The following RMST variants were observed in gnomAD, a reference collection of about 807,000 sequenced individuals.
RMST encodes long intergenic non-protein coding RNA 54.
intron 5 of RMST, among the ~76,000 whole-genome samples, chr12:97,488,370 C>T (rs1231272125): frequency 2.6e-5 from 4 of 152,262 alleles, no homozygotes; most frequent in South Asian, 4.1e-4. Flanking sequence ...ACACATTGAT[C>T]GTGCCTTGTT....
chr12:97,518,636 T>C (rs1880183899), intron 10 of RMST, among the ~76,000 whole-genome samples: 1 of 152,202 alleles, frequency 6.6e-6, no homozygotes, highest in Non-Finnish European at 1.5e-5. Flanking sequence ...TGAGACAGAC[T>C]GAATCACACA....
chr12:97,465,354 C>T (rs1459171590), intron 4 of RMST, among the ~76,000 whole-genome samples: 2 of 152,180 alleles, frequency 1.3e-5, no homozygotes, highest in East Asian at 3.9e-4. Flanking sequence ...TTGTGTGCTA[C>T]TTAATGGTCT....
intron 10 of RMST, among the ~76,000 whole-genome samples, chr12:97,512,882 C>G (rs569303721): frequency 3.1e-4 from 47 of 152,018 alleles, no homozygotes; most frequent in African/African-American, 1.1e-3. Context: ...CCCACGGAGG[C>G]GAGGGGGAGG....
intron 11 of RMST, among the ~76,000 whole-genome samples, chr12:97,531,424 G>A (rs1316058305): frequency 1.3e-5 from 2 of 151,968 alleles, no homozygotes; most frequent in African/African-American, 2.4e-5. Context: ...ATTTTCCAGG[G>A]CCAGTCTGGT....
intron 5 of RMST, among the ~76,000 whole-genome samples, chr12:97,477,192 A>G (rs142871551): frequency 1.8e-3 from 268 of 152,336 alleles, no homozygotes; most frequent in Non-Finnish European, 3.2e-3. Flanking sequence ...AGGTGCCCAC[A>G]TGCGCTTTGA....
intron 5 of RMST, among the ~76,000 whole-genome samples, chr12:97,486,862 A>G (rs1292836992): frequency 6.6e-6 from 1 of 152,210 alleles, no homozygotes; most frequent in Admixed American, 6.5e-5. Flanking sequence ...ATTTTGCACA[A>G]TCAAGCAAAA....
intron 4 of RMST, among the ~76,000 whole-genome samples, chr12:97,463,802 A>G (rs1872858756): frequency 6.6e-6 from 1 of 152,156 alleles, no homozygotes; most frequent in Non-Finnish European, 1.5e-5. Context: ...TCTTATTTGG[A>G]ACATACTCCA....
intron 13 of RMST, among the ~76,000 whole-genome samples, chr12:97,562,640 G>A (rs1468151826): frequency 1.3e-5 from 2 of 152,184 alleles, no homozygotes; most frequent in African/African-American, 4.8e-5. Flanking sequence ...GACCCAATTA[G>A]CATGTCTTTC....
intron 11 of RMST, among the ~76,000 whole-genome samples, chr12:97,548,821 A>G (rs1005846177): frequency 6.6e-6 from 1 of 152,102 alleles, no homozygotes; most frequent in African/African-American, 2.4e-5. Flanking sequence ...CTTCCTTCCA[A>G]TTTGGATGCA....
chr12:97,538,443 G>T (rs561047053), intron 11 of RMST, among the ~76,000 whole-genome samples: 1 of 151,220 alleles, frequency 6.6e-6, no homozygotes, highest in Non-Finnish European at 1.5e-5. Flanking sequence ...CTCATTAATG[G>T]CAGTGTAAGT....
intron 11 of RMST, among the ~76,000 whole-genome samples, chr12:97,543,090 G>A (rs1395325550): frequency 6.6e-6 from 1 of 151,958 alleles, no homozygotes; most frequent in African/African-American, 2.4e-5. Flanking sequence ...CCAGCCATTC[G>A]GGAAATTACA....
chr12:97,540,812 AC>A (rs1173127660), intron 11 of RMST, among the ~76,000 whole-genome samples: 1 of 151,648 alleles, frequency 6.6e-6, no homozygotes, highest in Non-Finnish European at 1.5e-5. Flanking sequence ...TGTGTTAGAA[AC>A]CAACAGAGGC....
intron 11 of RMST, among the ~76,000 whole-genome samples, chr12:97,531,051 A>AAT (rs760642950): frequency 0.062 from 9,356 of 150,856 alleles, 415 homozygotes; most frequent in East Asian, 0.18. Flanking sequence ...TAATATAACT[A>AAT]AACAGCTTTT....
intron 11 of RMST, among the ~76,000 whole-genome samples, chr12:97,554,534 A>T (rs983265284): frequency 1.8e-4 from 27 of 149,012 alleles, no homozygotes; most frequent in African/African-American, 4.9e-4. Flanking sequence ...CTTTTAATTT[A>T]AAAAAAAAAG....
At chr12:97,480,686 A>G (rs1875173465) in intron 5 of RMST, among the ~76,000 whole-genome samples, 1 of 152,186 alleles carries the variant, frequency 6.6e-6, no homozygotes, top group Admixed American at 6.5e-5. Flanking sequence ...TCTTATCTCT[A>G]ACAATTTCCT....
chr12:97,476,794 A>G (rs990636476), intron 5 of RMST, among the ~76,000 whole-genome samples: 1 of 152,182 alleles, frequency 6.6e-6, no homozygotes, highest in African/African-American at 2.4e-5. Context: ...TTGAAGATCT[A>G]AAAAAAGAGA....
chr12:97,503,464 A>C (rs1276460467), intron 10 of RMST, among the ~76,000 whole-genome samples: 1 of 152,032 alleles, frequency 6.6e-6, no homozygotes, highest in Admixed American at 6.6e-5. Context: ...TCCAGGAAAA[A>C]AAAAAAAGGT....
chr12:97,471,916 T>C (rs1301272954), intron 5 of RMST, among the ~76,000 whole-genome samples: 1 of 152,136 alleles, frequency 6.6e-6, no homozygotes, highest in African/African-American at 2.4e-5. Context: ...TTTGGCTTCC[T>C]CTTGAATTCT....
At chr12:97,509,751 CCT>C (rs1283823102) in intron 10 of RMST, among the ~76,000 whole-genome samples, 2 of 152,200 alleles carry the variant, frequency 1.3e-5, no homozygotes, top group East Asian at 1.9e-4. Context: ...TGGAGGTGCC[CCT>C]CTGTTTTCCT....
Sources: gnomAD v4.1 joint callset for allele counts (sites outside exome capture counted in the v4.1 genomes callset) on GRCh38, gnomAD v4.1.1 for gene constraint, MANE v1.5 for transcripts, NCBI Gene and HGNC (gene_info 2026-07-23, HGNC 2026-07-21) for gene names.